The following CRYL1 variants were observed in gnomAD, a reference collection of about 807,000 sequenced individuals.
The protein encoded by CRYL1 is crystallin lambda 1.
Under a neutral mutation model 36.6 loss-of-function variants are expected in CRYL1, and 29 were observed. That is an observed-to-expected ratio of 0.79 (90% confidence interval 0.59 to 1.08). The LOEUF is 1.08. Among genes scored for constraint, CRYL1 ranks in the 50% least tolerant of loss-of-function variants. CRYL1 has a pLI of 0.00. For synonymous variants in CRYL1, 152 were observed against 151.5 expected (o/e 1.00, Z -0.02); for missense variants, 411 against 407.9 (o/e 1.01, Z -0.06).
chr13:20,408,565 A>G (rs1326463474), intron 6 of CRYL1, among the ~76,000 whole-genome samples: 2 of 152,192 alleles, frequency 1.3e-5, no homozygotes, highest in African/African-American at 4.8e-5. Context: ...AACTCTAGGT[A>G]CCTGGTTCCA....
In CRYL1 at chr13:20,477,287, A is replaced by G. The variant is rs950370172; in HGVS notation, c.276+12083T>C. On this transcript the variant is annotated intron_variant, in intron 3 of 7. Coordinates refer to ENST00000298248, the MANE Select transcript of CRYL1 (RefSeq NM_015974.3). Reference sequence around the variant, plus strand: ...AGACGTCAGTGAGCTATGATCACACAGCTACATTCCAACCTGGGCAGCAGA... The same window carrying G: ...AGACGTCAGTGAGCTATGATCACACGGCTACATTCCAACCTGGGCAGCAGA... Among the ~76,000 whole-genome samples the G allele has an allele frequency of 2.6e-5, 4 of 152,170 alleles. No homozygotes were observed. The East Asian group carries it at 5.8e-4, about 22-fold the overall frequency.
At chr13:20,512,367 G>A (rs567381870) in intron 2 of CRYL1, 76 bp downstream of exon 2, 92 of 1,024,130 alleles carry the variant, frequency 9.0e-5, no homozygotes, top group Non-Finnish European at 1.3e-4. Flanking sequence ...TCATAGCCTT[G>A]AGGATATGAC....
At chr13:20,469,693 A>C (rs1421836506) in intron 3 of CRYL1, among the ~76,000 whole-genome samples, 1 of 152,208 alleles carries the variant, frequency 6.6e-6, no homozygotes, top group Non-Finnish European at 1.5e-5. Flanking sequence ...CCCACAGCCA[A>C]GCATGACAAC....
At chr13:20,484,302 G>A (rs996543179) in intron 3 of CRYL1, among the ~76,000 whole-genome samples, 16 of 152,142 alleles carry the variant, frequency 1.1e-4, no homozygotes, top group African/African-American at 3.9e-4. Flanking sequence ...GCGGGTGAGT[G>A]GTTGCCAGCA....
At chr13:20,464,508 T>A (rs17305480) in intron 3 of CRYL1, among the ~76,000 whole-genome samples, 2 of 152,016 alleles carry the variant, frequency 1.3e-5, no homozygotes, top group East Asian at 3.8e-4. Flanking sequence ...AGGAGACCCA[T>A]CAAATTTGTG....
chr13:20,519,010 T>C (rs73447927), intron 1 of CRYL1, among the ~76,000 whole-genome samples: 13,261 of 151,990 alleles, frequency 0.087, 1,484 homozygotes, highest in African/African-American at 0.26. Flanking sequence ...ATGCTAAGGG[T>C]GGGTCTAGCA....
intron 1 of CRYL1, among the ~76,000 whole-genome samples, chr13:20,516,701 C>A (rs546956653): frequency 1.8e-4 from 28 of 152,120 alleles, no homozygotes; most frequent in African/African-American, 6.3e-4. Context: ...ATGATGGTCT[C>A]GATCTCCTGA....
rs2031285759 is a variant in CRYL1, at chr13:20,403,688, T to G, written c.*441A>C. On this transcript the variant is annotated 3_prime_UTR_variant, in exon 8 of 8. Coordinates refer to ENST00000298248, the MANE Select transcript of CRYL1 (RefSeq NM_015974.3). ...AAGATGTCTTTAAGGAATCAAAAACTTTTATTCAGAATAAGCGTTAGCAAA... is the reference window on the plus strand; with the variant it reads ...AAGATGTCTTTAAGGAATCAAAAACGTTTATTCAGAATAAGCGTTAGCAAA... 1 of 152,884 alleles carries G rather than the reference T, an allele frequency of 6.5e-6. No individual in the cohort carries two copies. Among genetic ancestry groups the G allele is most frequent in the Admixed American group, 6.5e-5 (1 of 15,302 alleles). The allele number at this position is 152,884 out of a possible 1,614,324, so 9.5% of individuals were successfully genotyped here.
At chr13:20,426,312 T>C (rs1486228973) in intron 5 of CRYL1, among the ~76,000 whole-genome samples, 3 of 151,718 alleles carry the variant, frequency 2.0e-5, no homozygotes, top group African/African-American at 7.3e-5. Flanking sequence ...TCTCACTATG[T>C]TACCCAGGCT....
chr13:20,427,256 T>A, intron 5 of CRYL1: 6 of 985,408 alleles, frequency 6.1e-6, no homozygotes, highest in Non-Finnish European at 7.2e-6. Flanking sequence ...GACATGTCCA[T>A]CTGGCATTTC....
chr13:20,499,217 A>G (rs2033661282), intron 2 of CRYL1, among the ~76,000 whole-genome samples: 1 of 151,956 alleles, frequency 6.6e-6, no homozygotes, highest in Non-Finnish European at 1.5e-5. Context: ...GTGATGGCGC[A>G]TGCCTGTAGT....
chr13:20,495,240 G>A (rs1404106383), intron 2 of CRYL1, among the ~76,000 whole-genome samples: 1 of 152,174 alleles, frequency 6.6e-6, no homozygotes, highest in African/African-American at 2.4e-5. Context: ...ACCAGGCTGT[G>A]GCATTGCCAC....
At chr13:20,484,169 A>C (rs748389348) in intron 3 of CRYL1, among the ~76,000 whole-genome samples, 1 of 152,182 alleles carries the variant, frequency 6.6e-6, no homozygotes, top group Non-Finnish European at 1.5e-5. Context: ...CAAGTAGCCT[A>C]GATTGATTTT....
intron 3 of CRYL1, among the ~76,000 whole-genome samples, chr13:20,483,990 G>A (rs1386458224): frequency 6.6e-6 from 1 of 152,134 alleles, no homozygotes; most frequent in Non-Finnish European, 1.5e-5. Context: ...CTAATTTTTT[G>A]TATTTTTAGT....
chr13:20,483,720 T>G (rs1312624309), intron 3 of CRYL1, among the ~76,000 whole-genome samples: 1 of 152,132 alleles, frequency 6.6e-6, no homozygotes, highest in Non-Finnish European at 1.5e-5. Flanking sequence ...TTTGTATTTT[T>G]GGTAGAGACG....
At chr13:20,510,629 T>TCC (rs2033897359) in intron 2 of CRYL1, among the ~76,000 whole-genome samples, 5 of 80,854 alleles carry the variant, frequency 6.2e-5, no homozygotes, top group African/African-American at 1.9e-4. Flanking sequence ...TTTTTTTTTT[T>TCC]CAAGACAGAG....
chr13:20,500,116 G>A (rs561672161), intron 2 of CRYL1, among the ~76,000 whole-genome samples: 23 of 152,366 alleles, frequency 1.5e-4, no homozygotes, highest in African/African-American at 5.5e-4. Context: ...ACATGAAGCA[G>A]AGCAGGAGTT....
intron 2 of CRYL1, among the ~76,000 whole-genome samples, chr13:20,505,381 A>AAAAAAT (rs1292225610): frequency 2.4e-4 from 33 of 138,820 alleles, no homozygotes; most frequent in African/African-American, 8.4e-4. Context: ...AAAAAAAAAA[A>AAAAAAT]ATCAGAATAT....
At chr13:20,496,706 A>T in intron 2 of CRYL1, among the ~76,000 whole-genome samples, 1 of 151,912 alleles carries the variant, frequency 6.6e-6, no homozygotes, top group Admixed American at 6.6e-5. Context: ...TCTTGTGCTC[A>T]GGAGTTTGAG....
Sources: allele counts gnomAD v4.1 joint callset (sites outside exome capture counted in the v4.1 genomes callset), GRCh38; gene constraint gnomAD v4.1.1; transcripts MANE v1.5; gene names NCBI Gene and HGNC (gene_info 2026-07-23, HGNC 2026-07-21).